Variants in DTWD2 observed in about 807,000 individuals in gnomAD.
DTWD2 encodes DTW motif tRNA-uridine aminocarboxypropyltransferase 2.
In DTWD2, 39 loss-of-function variants were observed where a neutral mutation model predicts 31.8. That is an observed-to-expected ratio of 1.22 (90% CI 0.95 to 1.60). DTWD2 has a LOEUF of 1.60. DTWD2 is among the 40% of genes most tolerant of loss of function. The probability of loss-of-function intolerance (pLI) is 0.00; values close to 1 mark genes in which losing one functional copy is unlikely to be tolerated. For synonymous variants in DTWD2, 180 were observed against 142.8 expected (o/e 1.26, Z -1.86); for missense variants, 515 against 381.5 (o/e 1.35, Z -2.92).
At chr5:118,977,635 G>GT (rs1755195655) in intron 1 of DTWD2, among the ~76,000 whole-genome samples, 1 of 152,162 alleles carries the variant, frequency 6.6e-6, no homozygotes, top group African/African-American at 2.4e-5. Flanking sequence ...AACAAGGGAA[G>GT]TGAAGGACCT....
chr5:118,893,760 T>G (rs1753024915), intron 4 of DTWD2, among the ~76,000 whole-genome samples: 1 of 151,646 alleles, frequency 6.6e-6, no homozygotes, highest in East Asian at 1.9e-4. Flanking sequence ...GCTTTAAAAA[T>G]GAATGGAGAG....
At chr5:118,853,546 C>T (rs1752062560) in intron 4 of DTWD2, among the ~76,000 whole-genome samples, 1 of 152,150 alleles carries the variant, frequency 6.6e-6, no homozygotes, top group South Asian at 2.1e-4. Flanking sequence ...GGTACATTTG[C>T]ATTATGGAAT....
intron 4 of DTWD2, among the ~76,000 whole-genome samples, chr5:118,854,823 T>C (rs1450161881): frequency 1.3e-5 from 2 of 152,218 alleles, no homozygotes; most frequent in African/African-American, 2.4e-5. Flanking sequence ...TATAAAGTTA[T>C]ACTTTCTTAA....
rs527528022 is a variant in DTWD2 at position 118,864,828 on chromosome 5, C to T, written c.598-16610G>A. Among the ~76,000 whole-genome samples the T allele has an allele frequency of 1.1e-3, 172 of 152,172 alleles. 2 individuals carry two copies. The highest frequency in any genetic ancestry group is 3.8e-3 in the African/African-American group (158 of 41,528). On this transcript the variant is annotated intron_variant, in intron 4 of 5. Coordinates refer to ENST00000510708, the MANE Select transcript of DTWD2 (RefSeq NM_173666.4). Reference sequence around the variant, plus strand: ...AGACTTATTATGTGTAAAAACTGCACAGTGCTATGTTACCATGTATCATAA... The same window carrying T: ...AGACTTATTATGTGTAAAAACTGCATAGTGCTATGTTACCATGTATCATAA...
intron 4 of DTWD2, among the ~76,000 whole-genome samples, chr5:118,921,678 C>G (rs1753707930): frequency 6.6e-6 from 1 of 152,106 alleles, no homozygotes; most frequent in South Asian, 2.1e-4. Context: ...TGCTGTGGCA[C>G]TAATTTAAAG....
Position 118,843,116 on chromosome 5 carries a change from C to T in DTWD2, c.727-2029G>A, listed in dbSNP as rs187981210. On this transcript the variant is annotated intron_variant, in intron 5 of 5. Coordinates refer to ENST00000510708, the MANE Select transcript of DTWD2 (RefSeq NM_173666.4). Reference sequence around the variant, plus strand: ...GGACTATAGGTGCATGCCACCATGCCCAGCTTATTTTTGTATTTTTAGTAG... The same window carrying T: ...GGACTATAGGTGCATGCCACCATGCTCAGCTTATTTTTGTATTTTTAGTAG... Among the ~76,000 whole-genome samples the T allele has an allele frequency of 1.7e-4, 26 of 151,920 alleles. No individual in the cohort carries two copies. The East Asian group carries it at 4.7e-3, about 27-fold the overall frequency.
At chr5:118,850,374 A>G (rs1751970308) in intron 4 of DTWD2, among the ~76,000 whole-genome samples, 1 of 142,420 alleles carries the variant, frequency 7.0e-6, no homozygotes, top group Non-Finnish European at 1.5e-5. Flanking sequence ...GCTACTTGGG[A>G]GCCTGAGGCA....
intron 4 of DTWD2, among the ~76,000 whole-genome samples, chr5:118,896,203 CA>C (rs1293623863): frequency 6.6e-6 from 1 of 152,152 alleles, no homozygotes; most frequent in Admixed American, 6.5e-5. Context: ...TCAGGAACTA[CA>C]AACCAGTGAA....
chr5:118,841,212 A>T, intron 5 of DTWD2, 125 bp from the exon 6 acceptor site: 1 of 957,568 alleles, frequency 1.0e-6, no homozygotes, highest in Non-Finnish European at 1.5e-6. Flanking sequence ...AACTATGAGA[A>T]ACACTAGGCA....
intron 3 of DTWD2, among the ~76,000 whole-genome samples, chr5:118,935,482 C>A (rs898578832): frequency 6.6e-6 from 1 of 152,098 alleles, no homozygotes; most frequent in Non-Finnish European, 1.5e-5. Flanking sequence ...GGAAGACACC[C>A]AACTAGTATT....
chr5:118,965,457 G>A (rs1754821130), intron 1 of DTWD2, among the ~76,000 whole-genome samples: 1 of 34 alleles, frequency 0.029, no homozygotes, highest in African/African-American at 0.071. Context: ...GGGCCATGAT[G>A]ATGATGCGGT....
Position 118,837,994 on chromosome 5 carries a change from A to G in DTWD2, c.*2923T>C, listed in dbSNP as rs1751611397. 1 of 152,194 alleles carries G rather than the reference A, an allele frequency of 6.6e-6. No individual in the cohort carries two copies. Among genetic ancestry groups the G allele is most frequent in the South Asian group, 2.1e-4 (1 of 4,828 alleles). The allele number at this position is 152,194 out of a possible 1,614,324, so 9.4% of individuals were successfully genotyped here. Reference sequence around the variant, plus strand: ...ATTTCTTCCAAAATATATGAAAAATATTACTGGTCATGACTAAGAAAAGTG... The same window carrying G: ...ATTTCTTCCAAAATATATGAAAAATGTTACTGGTCATGACTAAGAAAAGTG... On this transcript the variant is annotated 3_prime_UTR_variant, in exon 6 of 6. Coordinates refer to ENST00000510708, the MANE Select transcript of DTWD2 (RefSeq NM_173666.4).
intron 4 of DTWD2, among the ~76,000 whole-genome samples, chr5:118,855,423 A>C (rs1752108051): frequency 6.7e-6 from 1 of 148,696 alleles, no homozygotes. Context: ...TTAAAATTTT[A>C]TTTATTTTCT....
chr5:118,878,264 C>G (rs1179434571), intron 4 of DTWD2, among the ~76,000 whole-genome samples: 2 of 152,158 alleles, frequency 1.3e-5, no homozygotes, highest in Non-Finnish European at 2.9e-5. Context: ...CTGAACTATA[C>G]TACAGGGCTA....
intron 3 of DTWD2, among the ~76,000 whole-genome samples, chr5:118,929,485 T>A (rs1753876750): frequency 6.9e-6 from 1 of 144,612 alleles, no homozygotes; most frequent in South Asian, 2.3e-4. Context: ...TGTACGTCAC[T>A]TCCCTTTTTT....
chr5:118,919,415 C>A (rs1753652400), intron 4 of DTWD2, among the ~76,000 whole-genome samples: 1 of 152,188 alleles, frequency 6.6e-6, no homozygotes, highest in African/African-American at 2.4e-5. Flanking sequence ...CATTAGAATG[C>A]AAACTAATGG....
At chr5:118,906,860 A>T (rs1346348408) in intron 4 of DTWD2, among the ~76,000 whole-genome samples, 1 of 152,210 alleles carries the variant, frequency 6.6e-6, no homozygotes, top group Non-Finnish European at 1.5e-5. Context: ...GGTTATAAAA[A>T]ATGGAAAAAG....
intron 4 of DTWD2, among the ~76,000 whole-genome samples, chr5:118,908,468 A>C (rs1404097740): frequency 6.6e-6 from 1 of 152,198 alleles, no homozygotes; most frequent in Non-Finnish European, 1.5e-5. Context: ...TGTGTTAGTC[A>C]AAGAGCTAGT....
intron 4 of DTWD2, among the ~76,000 whole-genome samples, chr5:118,905,163 T>C (rs1580797875): frequency 6.6e-6 from 1 of 152,014 alleles, no homozygotes; most frequent in East Asian, 1.9e-4. Context: ...AATAAAACAC[T>C]ACATTACCCA....
Sources: gnomAD v4.1 joint callset for allele counts (sites outside exome capture counted in the v4.1 genomes callset) on GRCh38, gnomAD v4.1.1 for gene constraint, MANE v1.5 for transcripts, NCBI Gene and HGNC (gene_info 2026-07-23, HGNC 2026-07-21) for gene names.